The following ARHGEF18 variants were observed in gnomAD, a reference collection of about 807,000 sequenced individuals.
The protein encoded by ARHGEF18 is Rho/Rac guanine nucleotide exchange factor 18.
In ARHGEF18, 93 loss-of-function variants were observed where a neutral mutation model predicts 155.7. The observed-to-expected ratio is 0.60, with a 90% CI of 0.50 to 0.71. ARHGEF18 has a LOEUF of 0.71. Ranked by LOEUF, ARHGEF18 falls within the 30% of genes least tolerant of loss-of-function variation. ARHGEF18 has a pLI of 0.00. For synonymous variants in ARHGEF18, 742 were observed against 753.1 expected, an observed-to-expected ratio of 0.99 and a Z score of 0.24; for missense variants, 1,593 against 1,816.1, an observed-to-expected ratio of 0.88 and a Z score of 2.23.
At chr19:7,377,109 C>T (rs963160816) in intron 5 of ARHGEF18, among the ~76,000 whole-genome samples, 1 of 151,108 alleles carries the variant, frequency 6.6e-6, no homozygotes, top group African/African-American at 2.4e-5. Context: ...CTTGCTCTGT[C>T]GCCCAGGCTG....
At chr19:7,383,838 G>C (rs570632888) in intron 10 of ARHGEF18, among the ~76,000 whole-genome samples, 1 of 127,666 alleles carries the variant, frequency 7.8e-6, no homozygotes, top group African/African-American at 2.9e-5. Flanking sequence ...TTGATGGGTG[G>C]GGGGAGGGGC....
Position 7,363,733 on chromosome 19 carries a change from T to C in ARHGEF18, c.15+828T>C, listed in dbSNP as rs188858746. Among the ~76,000 whole-genome samples, 11 of 124,818 alleles carry C rather than the reference T, an allele frequency of 8.8e-5. No individual in the cohort carries two copies. The East Asian group carries it at 2.6e-3, about 30-fold the overall frequency. The allele number at this position is 124,818 out of a possible 152,430, so 81.9% of individuals were successfully genotyped here. A position where few individuals can be genotyped will look rare whatever the true frequency, so the allele number is the denominator to read the frequency against. On this transcript the variant is annotated intron_variant, in intron 2 of 28. Coordinates refer to ENST00000668164, the MANE Select transcript of ARHGEF18 (RefSeq NM_001367823.1). ...GAAGGAAGGAAGAAAGATGGATGGG[T>C]GAAAGGAAGGAAGATGGCTAGATTG... is the stretch of plus-strand genomic sequence containing the variant.
In ARHGEF18 at chr19:7,468,983, T is replaced by C. The variant is rs1354244341; in HGVS notation, c.3639T>C (p.Asp1213=). ...CCGAGAACCGGCTGGCCAAGAGCGA[T>C]GTGCCCATCCAGCTGCTCAGCGCCA... The part of the protein sequence containing the change: ...APTENRLAKS[D]VPIQLLSATN... Residue 1213 remains aspartate (D), a synonymous_variant, in exon 27 of 29, where the codon GAT becomes GAC. Transcript: ENST00000668164. The C allele has an allele frequency of 1.3e-6, 2 of 1,591,950 alleles. No individual in the cohort carries two copies. Among genetic ancestry groups the C allele is most frequent in the Non-Finnish European group, 8.5e-7 (1 of 1,171,116 alleles).
At chr19:7,450,352 G>A (rs182040153) in intron 15 of ARHGEF18, among the ~76,000 whole-genome samples, 6 of 650 alleles carry the variant, frequency 9.2e-3, no homozygotes, top group Non-Finnish European at 0.011. Flanking sequence ...AGATGTTAAT[G>A]CGGGATCTTG....
chr19:7,462,432 C>A lies in ARHGEF18; in HGVS notation c.2635+98C>A. The A allele has an allele frequency of 7.4e-7, 1 of 1,356,712 alleles. No individual in the cohort carries two copies. The highest frequency in any genetic ancestry group is 9.7e-7 in the Non-Finnish European group (1 of 1,028,028). 84.0% of individuals were successfully genotyped at this position (1,356,712 alleles called of 1,614,324 possible). A position where few individuals can be genotyped will look rare whatever the true frequency, so the allele number is the denominator to read the frequency against. ...TCACGGCTCATTGTGGCCGACACGG[C>A]ACCCTGTCCAGGACAGGCTTCTATG... is the stretch of plus-strand genomic sequence containing the variant. On this transcript the variant is annotated intron_variant, in intron 21 of 28. Coordinates refer to ENST00000668164, the MANE Select transcript of ARHGEF18 (RefSeq NM_001367823.1). The surrounding 1 kb of genome is among the most constrained non-coding windows in gnomAD (Gnocchi z 4.4).
rs1970829677 is a variant in ARHGEF18, at chr19:7,383,194, T to C, written c.958T>C (p.Leu320=). The C allele has an allele frequency of 8.1e-7, 1 of 1,232,324 alleles. No homozygotes were observed. Among genetic ancestry groups the C allele is most frequent in the East Asian group, 3.2e-5 (1 of 31,710 alleles). 76.3% of individuals were successfully genotyped at this position (1,232,324 alleles called of 1,614,324 possible). The change falls in exon 10 of 29, where the codon TTG becomes CTG. Residue 320 remains leucine, a synonymous_variant. Transcript: ENST00000668164. ...CTGCCCCCTGTGTGGCAAACCTTTC[T>C]TGAGCTCAGGTAAGTCTGGTGGCCC... is the stretch of plus-strand genomic sequence containing the variant. ...SSCPLCGKPF[L]SSASLKEHPR...
rs75385812 is a variant in ARHGEF18, at chr19:7,462,592, C to T, written c.2635+258C>T. Among the ~76,000 whole-genome samples, 5,681 of 152,034 alleles carry T rather than the reference C, an allele frequency of 0.037. 314 individuals carry two copies. Among genetic ancestry groups the T allele is most frequent in the East Asian group, 0.14 (720 of 5,168 alleles). ...TCCCCGTTCAACAACCGCTCTGATGCTCCCTGCATGCAGAGGCTCTAAGCC... is the reference window on the plus strand; with the variant it reads ...TCCCCGTTCAACAACCGCTCTGATGTTCCCTGCATGCAGAGGCTCTAAGCC... On this transcript the variant is annotated intron_variant, in intron 21 of 28. Coordinates refer to ENST00000668164, the MANE Select transcript of ARHGEF18 (RefSeq NM_001367823.1). This position sits in a 1 kb window ranked among gnomAD's most constrained non-coding sequence, Gnocchi z 4.4.
intron 10 of ARHGEF18, among the ~76,000 whole-genome samples, chr19:7,438,007 T>G: frequency 1.8e-5 from 1 of 55,318 alleles, no homozygotes; most frequent in Non-Finnish European, 3.5e-5. Context: ...TCCCCTCCCC[T>G]CCCCTCCCCT....
intron 2 of ARHGEF18, among the ~76,000 whole-genome samples, chr19:7,367,740 C>G (rs1177186466): frequency 2.5e-5 from 2 of 79,120 alleles, no homozygotes; most frequent in Non-Finnish European, 4.9e-5. Context: ...GAGTGAAACT[C>G]CATCTCAAAA....
In ARHGEF18 at chr19:7,444,660, G is replaced by A. The variant is rs745972854; in HGVS notation, c.1611+206G>A. On this transcript the variant is annotated intron_variant, in intron 14 of 28. Coordinates refer to ENST00000668164, the MANE Select transcript of ARHGEF18 (RefSeq NM_001367823.1). This position sits in a 1 kb window ranked among gnomAD's most constrained non-coding sequence, Gnocchi z 4.7. ...CAAGTAGCTGGGACTACAGCTATGC[G>A]CCACCATACCCGGCTAAATTTTATT... 3.9e-5 allele frequency among the ~76,000 whole-genome samples: 6 copies of A among 151,972 alleles called. No individual in the cohort carries two copies. The highest frequency in any genetic ancestry group is 7.4e-5 in the Non-Finnish European group (5 of 67,992).
chr19:7,446,168 G>A (rs538012974), intron 14 of ARHGEF18, among the ~76,000 whole-genome samples: 2 of 152,020 alleles, frequency 1.3e-5, no homozygotes, highest in Non-Finnish European at 2.9e-5. Flanking sequence ...GAGGCTGAGT[G>A]GGGGTGGATC....
chr19:7,479,080 C>T, the ARHGEF18 span, among the ~76,000 whole-genome samples: 1 of 152,242 alleles, frequency 6.6e-6, no homozygotes, highest in Non-Finnish European at 1.5e-5. Context: ...CCTCTGGCCA[C>T]TGGGTACCCA....
At chr19:7,401,012 C>T (rs995345422) in intron 10 of ARHGEF18, among the ~76,000 whole-genome samples, 10 of 152,058 alleles carry the variant, frequency 6.6e-5, no homozygotes, top group African/African-American at 1.9e-4. Context: ...AATTTGCTGA[C>T]GTTTCATTTG....
At position 7,410,004 on chromosome 19, in the gene ARHGEF18, G is replaced by A. The variant is rs372635226; in HGVS notation, c.967+26801G>A. ...GGGGTTTTACCATGTTGGCCAGGTT[G>A]GTCTTGAACTCCTGACCTCGTGATC... On this transcript the variant is annotated intron_variant, in intron 10 of 28. Coordinates refer to ENST00000668164, the MANE Select transcript of ARHGEF18 (RefSeq NM_001367823.1). Among the ~76,000 whole-genome samples the A allele has an allele frequency of 1.3e-3, 187 of 146,386 alleles. 1 individual carries two copies. Among genetic ancestry groups the A allele is most frequent in the African/African-American group, 4.6e-3 (181 of 38,958 alleles).
intron 2 of ARHGEF18, among the ~76,000 whole-genome samples, chr19:7,371,738 T>C (rs944698512): frequency 6.6e-6 from 1 of 151,906 alleles, no homozygotes; most frequent in African/African-American, 2.4e-5. Context: ...GAAGAATCAC[T>C]TGAACCCGGG....
intron 1 of ARHGEF18, among the ~76,000 whole-genome samples, chr19:7,354,384 G>T (rs569210698): frequency 6.6e-6 from 1 of 150,638 alleles, no homozygotes; most frequent in Admixed American, 6.6e-5. Context: ...TTTGGGGCTG[G>T]GGGTGATTTG....
chr19:7,362,227 G>A (rs1018484250), intron 1 of ARHGEF18, among the ~76,000 whole-genome samples: 1 of 128,782 alleles, frequency 7.8e-6, no homozygotes. Flanking sequence ...AGGAAGAAGA[G>A]GAAGAAGAAG....
chr19:7,415,436 C>A (rs1972949655), intron 10 of ARHGEF18, among the ~76,000 whole-genome samples: 2 of 152,140 alleles, frequency 1.3e-5, no homozygotes, highest in African/African-American at 4.8e-5. Flanking sequence ...ACCAGCAACC[C>A]CTTCCAGTGT....
At position 7,467,558 on chromosome 19, in the gene ARHGEF18, C is replaced by T. The variant is rs1390347521; in HGVS notation, c.3354C>T (p.His1118=). The part of the protein sequence containing the change: ...ELERQRQAYQ[H]DLERLREAQR... ...AGCGCCAGCGCCAGGCCTACCAGCA[C>T]GACCTGGAGCGGCTGCGCGAGGCCC... is the stretch of plus-strand genomic sequence containing the variant. The change falls in exon 26 of 29, where the codon CAC becomes CAT. Residue 1118 remains histidine, a synonymous_variant. Coordinates refer to ENST00000668164, the MANE Select transcript of ARHGEF18 (RefSeq NM_001367823.1). 3 of 1,483,104 alleles carry T rather than the reference C, an allele frequency of 2.0e-6. No individual in the cohort carries two copies. Among genetic ancestry groups the T allele is most frequent in the Non-Finnish European group, 2.7e-6 (3 of 1,126,002 alleles). The allele number at this position is 1,483,104 out of a possible 1,614,324, so 91.9% of individuals were successfully genotyped here.
Sources: gnomAD v4.1 joint callset for allele counts (sites outside exome capture counted in the v4.1 genomes callset) on GRCh38, gnomAD v4.1.1 for gene constraint, Gnocchi (gnomAD v3.1) non-coding constraint, MANE v1.5 for transcripts, NCBI Gene and HGNC (gene_info 2026-07-23, HGNC 2026-07-21) for gene names.